Variants in RBFOX1 observed in about 807,000 individuals in gnomAD.
RBFOX1 encodes the protein RNA binding fox-1 homolog 1.
Under a neutral mutation model 57.7 loss-of-function variants are expected in RBFOX1, and 8 were observed. The ratio of observed to expected loss-of-function variants is 0.14; its 90% CI spans 0.08 to 0.25. RBFOX1 has a LOEUF of 0.25. Among genes scored for constraint, RBFOX1 ranks in the 10% least tolerant of loss-of-function variants. The pLI is 1.00. For missense variants in RBFOX1, 611 were observed against 548.5 expected (o/e 1.11, Z -1.14); for synonymous variants, 326 against 222.4 (o/e 1.47, Z -4.15).
rs2086922601 is a variant in RBFOX1 at position 6,976,621 on chromosome 16, GGAA to G, written c.-15-75432_-15-75430del. Among the ~76,000 whole-genome samples, 6 of 150,576 alleles carry G rather than the reference GGAA, an allele frequency of 4.0e-5. No homozygotes were observed. The South Asian group carries it at 1.3e-3, about 31-fold the overall frequency. ...GAGTAGGGCGTTCCCGAAAGTAAGA[GGAA>G]GAACGCATCCACCCTAGGTACAATG... On this transcript the variant is annotated intron_variant, in intron 3 of 15. Transcript: ENST00000550418.
At position 6,933,755 on chromosome 16, in the gene RBFOX1, G is replaced by A. The variant is rs1344637669; in HGVS notation, c.-15-118302G>A. On this transcript the variant is annotated intron_variant, in intron 3 of 15. Coordinates refer to ENST00000550418, the MANE Select transcript of RBFOX1 (RefSeq NM_018723.4). ...AATTGGAAGAATTTAAAAGGGAGTGGGGAAGAAGTATGGTCAGAACATTTT... is the reference window on the plus strand; with the variant it reads ...AATTGGAAGAATTTAAAAGGGAGTGAGGAAGAAGTATGGTCAGAACATTTT... Among the ~76,000 whole-genome samples the A allele has an allele frequency of 2.6e-5, 4 of 152,244 alleles. No individual in the cohort carries two copies. In the East Asian group the frequency reaches 7.7e-4, roughly 29 times the overall value.
intron 3 of RBFOX1, among the ~76,000 whole-genome samples, chr16:5,691,612 C>T (rs1053741727): frequency 1.7e-4 from 26 of 152,088 alleles, no homozygotes; most frequent in African/African-American, 5.3e-4. Context: ...ATCAGTTGAG[C>T]ATCTCTAATC....
rs2098066392 is a variant in RBFOX1 at position 6,612,065 on chromosome 16, A to G, written c.-63-42538A>G. ...TAGTTCCTGTTTCTTGCATTATTCT[A>G]ATATATTTACGTCTAAAACAACCCT... On this transcript the variant is annotated intron_variant, in intron 2 of 15. Transcript: ENST00000550418. 3.9e-5 allele frequency among the ~76,000 whole-genome samples: 6 copies of G among 152,274 alleles called. No individual in the cohort carries two copies. The East Asian group carries it at 9.6e-4, about 24-fold the overall frequency.
chr16:7,698,861 TAAC>T (rs1224489582), intron 14 of RBFOX1, among the ~76,000 whole-genome samples: 1 of 152,188 alleles, frequency 6.6e-6, no homozygotes, highest in Non-Finnish European at 1.5e-5. Flanking sequence ...CTGCATGCAA[TAAC>T]AATACCCTAT....
At position 6,779,286 on chromosome 16, in the gene RBFOX1, G is replaced by A. The variant is rs74947952; in HGVS notation, c.-16+124636G>A. On this transcript the variant is annotated intron_variant, in intron 3 of 15. Transcript: ENST00000550418. ...TGCAATATTTGTCTTTCTGTGCCTG[G>A]CTTATTTTAGTTGGCATCATGTCCT... Among the ~76,000 whole-genome samples the A allele has an allele frequency of 6.3e-3, 950 of 151,972 alleles. 14 individuals carry two copies. Among genetic ancestry groups the A allele is most frequent in the African/African-American group, 0.022 (915 of 41,474 alleles).
intron 14 of RBFOX1, among the ~76,000 whole-genome samples, chr16:7,704,208 C>G (rs1228686445): frequency 1.3e-5 from 2 of 152,090 alleles, no homozygotes; most frequent in Non-Finnish European, 2.9e-5. Context: ...GGGTTGCTTC[C>G]CAGTTTTAAC....
chr16:6,344,694 G>GTTTTTTT (rs5815301), intron 2 of RBFOX1, among the ~76,000 whole-genome samples: 3 of 88,330 alleles, frequency 3.4e-5, no homozygotes, highest in Non-Finnish European at 4.3e-5. Flanking sequence ...ACCGAGCCCG[G>GTTTTTTT]TTTTTTTTTT....
chr16:6,995,029 G>T (rs1417780673), intron 3 of RBFOX1, among the ~76,000 whole-genome samples: 1 of 151,146 alleles, frequency 6.6e-6, no homozygotes, highest in African/African-American at 2.4e-5. Flanking sequence ...ATATATATGT[G>T]CCAGGTATTA....
chr16:7,188,026 G>A (rs1053410235), intron 4 of RBFOX1, among the ~76,000 whole-genome samples: 1 of 152,158 alleles, frequency 6.6e-6, no homozygotes, highest in South Asian at 2.1e-4. Context: ...TAGATAGTGA[G>A]ATTATAGGCC....
chr16:5,274,182 C>G (rs1021214762), intron 1 of RBFOX1, among the ~76,000 whole-genome samples: 1 of 152,102 alleles, frequency 6.6e-6, no homozygotes, highest in African/African-American at 2.4e-5. Flanking sequence ...CCTAATTTTC[C>G]CTTTTTAACC....
chr16:7,059,091 T>A (rs997409809), intron 4 of RBFOX1, among the ~76,000 whole-genome samples: 1 of 152,234 alleles, frequency 6.6e-6, no homozygotes, highest in South Asian at 2.1e-4. Context: ...AAATTGCTAA[T>A]GATCTTCTTG....
rs146251447 is a variant in RBFOX1, at chr16:7,346,808, C to G, written c.28-171339C>G. 7.2e-5 allele frequency among the ~76,000 whole-genome samples: 11 copies of G among 152,230 alleles called. 1 individual carries two copies. The highest frequency in any genetic ancestry group is 2.2e-4 in the African/African-American group (9 of 41,554). On this transcript the variant is annotated intron_variant, in intron 4 of 15. Transcript: ENST00000550418. ...ATGTGGGTTGATGATCTCCACCATT[C>G]TGAATCTCAAGAAACCAAAGATGAT...
intron 4 of RBFOX1, among the ~76,000 whole-genome samples, chr16:7,404,087 C>A (rs1416452828): frequency 2.2e-5 from 2 of 91,330 alleles, no homozygotes; most frequent in Non-Finnish European, 5.2e-5. Context: ...GAGTCTCACT[C>A]TGTCACCCAG....
Position 7,324,886 on chromosome 16 carries a change from A to G in RBFOX1, c.28-193261A>G, listed in dbSNP as rs943868186. ...TCTTCATCATCCCTAAAAACCATAA[A>G]TTGAACTTGATATCCTTTTTACTGT... On this transcript the variant is annotated intron_variant, in intron 4 of 15. Transcript: ENST00000550418. Among the ~76,000 whole-genome samples, 5 of 152,182 alleles carry G rather than the reference A, an allele frequency of 3.3e-5. No homozygotes were observed. In the South Asian group the frequency reaches 8.3e-4, roughly 25 times the overall value.
rs79827713 is a variant in RBFOX1, at chr16:7,011,977, A to G, written c.-15-40080A>G. On this transcript the variant is annotated intron_variant, in intron 3 of 15. Transcript: ENST00000550418. ...ATTAATCCTCTGACATTGGCTAAGTAGATCATGATGTGGTGTTCTGATCAA... is the reference window on the plus strand; with the variant it reads ...ATTAATCCTCTGACATTGGCTAAGTGGATCATGATGTGGTGTTCTGATCAA... 5.1e-4 allele frequency among the ~76,000 whole-genome samples: 77 copies of G among 152,328 alleles called. 1 individual carries two copies. The East Asian group carries it at 0.014, about 28-fold the overall frequency.
intron 14 of RBFOX1, 112 bp from the exon 15 acceptor site, chr16:7,708,934 TTGCTTCTCAC>T: frequency 2.5e-6 from 2 of 810,578 alleles, no homozygotes; most frequent in Non-Finnish European, 4.2e-6. Flanking sequence ...AGAGTAGAAT[TTGCTTCTCAC>T]TGGAAGATGA....
Position 6,946,405 on chromosome 16 carries a change from C to T in RBFOX1, c.-15-105652C>T, listed in dbSNP as rs1020974557. On this transcript the variant is annotated intron_variant, in intron 3 of 15. Coordinates refer to ENST00000550418, the MANE Select transcript of RBFOX1 (RefSeq NM_018723.4). Reference sequence around the variant, plus strand: ...TATCTGTGCCATAAAGCAAGCTCTACGCTTATTGCCTGAGTTCTGTGATGA... The same window carrying T: ...TATCTGTGCCATAAAGCAAGCTCTATGCTTATTGCCTGAGTTCTGTGATGA... Among the ~76,000 whole-genome samples, 6 of 152,300 alleles carry T rather than the reference C, an allele frequency of 3.9e-5. No individual in the cohort carries two copies. In the South Asian group the frequency reaches 6.2e-4, roughly 16 times the overall value.
chr16:7,575,310 C>G (rs1365665655), intron 5 of RBFOX1, among the ~76,000 whole-genome samples: 1 of 151,982 alleles, frequency 6.6e-6, no homozygotes, highest in Non-Finnish European at 1.5e-5. Context: ...AATTTTTGCA[C>G]TTTTAGTAGA....
At chr16:7,148,128 G>C (rs1350890142) in intron 4 of RBFOX1, among the ~76,000 whole-genome samples, 2 of 152,092 alleles carry the variant, frequency 1.3e-5, no homozygotes, top group East Asian at 3.9e-4. Flanking sequence ...AATTGACTTA[G>C]GAAAACAAAG....
Sources: gnomAD v4.1 joint callset for allele counts (sites outside exome capture counted in the v4.1 genomes callset) on GRCh38, gnomAD v4.1.1 for gene constraint, MANE v1.5 for transcripts, NCBI Gene and HGNC (gene_info 2026-07-23, HGNC 2026-07-21) for gene names.